Variants in EEIG2 observed in about 807,000 individuals in gnomAD.
The protein encoded by EEIG2 is family with sequence similarity 102 member B.
chr1:108,590,440 A>G, the EEIG2 span, among the ~76,000 whole-genome samples: 1 of 152,198 alleles, frequency 6.6e-6, no homozygotes, highest in Non-Finnish European at 1.5e-5. Flanking sequence ...GACTATATAC[A>G]TCCTTGATAA....
At chr1:108,566,182 T>C in the EEIG2 span, among the ~76,000 whole-genome samples, 32 of 152,208 alleles carry the variant, frequency 2.1e-4, no homozygotes, top group Admixed American at 6.5e-4. Flanking sequence ...CCATGACTTA[T>C]TGAACCAAGT....
At chr1:108,638,677 T>C in the EEIG2 span, 1 of 11,802 alleles carries the variant, frequency 8.5e-5, no homozygotes, top group African/African-American at 2.0e-4. Context: ...AATTGTGTTA[T>C]GCCACTACTC....
chr1:108,613,593 C>T, the EEIG2 span, among the ~76,000 whole-genome samples: 1 of 152,142 alleles, frequency 6.6e-6, no homozygotes, highest in Non-Finnish European at 1.5e-5. Flanking sequence ...CCGTCTCTCC[C>T]ACTTTGTCCT....
the EEIG2 span, among the ~76,000 whole-genome samples, chr1:108,589,281 T>C: frequency 6.6e-6 from 1 of 152,160 alleles, no homozygotes; most frequent in African/African-American, 2.4e-5. Flanking sequence ...CACTAAACCA[T>C]GCTTAAGTCT....
chr1:108,624,446 A>AAAC, the EEIG2 span, among the ~76,000 whole-genome samples: 218 of 149,630 alleles, frequency 1.5e-3, no homozygotes, highest in Middle Eastern at 3.4e-3. Context: ...AAAAAAAAAA[A>AAAC]AAACCCTTTT....
chr1:108,606,707 T>A, the EEIG2 span, among the ~76,000 whole-genome samples: 1 of 152,238 alleles, frequency 6.6e-6, no homozygotes, highest in East Asian at 1.9e-4. Flanking sequence ...AGTAACAACA[T>A]TACCAGAAAT....
At chr1:108,616,502 T>C in the EEIG2 span, 1 of 1,017,768 alleles carries the variant, frequency 9.8e-7, no homozygotes, top group Non-Finnish European at 1.5e-6. Context: ...ATTTTTACAT[T>C]AATATTTTGT....
chr1:108,609,898 C>T, the EEIG2 span, among the ~76,000 whole-genome samples: 1 of 152,012 alleles, frequency 6.6e-6, no homozygotes, highest in Non-Finnish European at 1.5e-5. Flanking sequence ...CACACTGGGG[C>T]CTGTCGGGAG....
At chr1:108,606,119 A>T in the EEIG2 span, 1 of 656,644 alleles carries the variant, frequency 1.5e-6, no homozygotes, top group South Asian at 3.5e-5. Flanking sequence ...ACTGTCTATG[A>T]TATTTGCCAG....
chr1:108,622,834 A>G, the EEIG2 span, among the ~76,000 whole-genome samples: 1 of 152,232 alleles, frequency 6.6e-6, no homozygotes, highest in Admixed American at 6.5e-5. Flanking sequence ...ATTGCCATAA[A>G]GCAGGTCAGC....
chr1:108,636,040 T>C, the EEIG2 span: 3 of 152,230 alleles, frequency 2.0e-5, no homozygotes, highest in Non-Finnish European at 2.9e-5. Context: ...TTCAGACTTA[T>C]CTGAGGCTAA....
At chr1:108,605,540 G>A in the EEIG2 span, among the ~76,000 whole-genome samples, 2 of 152,146 alleles carry the variant, frequency 1.3e-5, no homozygotes. Context: ...GGAGTGGGGA[G>A]TTTGGCCCTA....
chr1:108,570,285 GA>G, the EEIG2 span, among the ~76,000 whole-genome samples: 2 of 152,130 alleles, frequency 1.3e-5, no homozygotes, highest in African/African-American at 4.8e-5. Context: ...ATGTTGTGTT[GA>G]GGGCACAGTG....
chr1:108,600,535 A>G, the EEIG2 span: 6 of 1,607,032 alleles, frequency 3.7e-6, no homozygotes, highest in Admixed American at 3.4e-5. Context: ...AATAATAGTT[A>G]ATTAATTGGC....
chr1:108,574,268 G>T, the EEIG2 span, among the ~76,000 whole-genome samples: 1 of 150,108 alleles, frequency 6.7e-6, no homozygotes, highest in South Asian at 2.1e-4. Flanking sequence ...AAAAAAAAAA[G>T]ACAAATACTT....
chr1:108,635,334 A>G, the EEIG2 span: 3 of 670,494 alleles, frequency 4.5e-6, no homozygotes, highest in East Asian at 2.8e-5. Flanking sequence ...GAACATCTAC[A>G]TGGCAGTCTC....
chr1:108,612,339 C>T, the EEIG2 span: 3 of 1,312,946 alleles, frequency 2.3e-6, no homozygotes, highest in Non-Finnish European at 2.2e-6. Flanking sequence ...AAATTATCTG[C>T]CTTTAAATAA....
the EEIG2 span, among the ~76,000 whole-genome samples, chr1:108,563,214 G>T: frequency 6.6e-6 from 1 of 152,292 alleles, no homozygotes; most frequent in South Asian, 2.1e-4. Flanking sequence ...ACTGTGCCTA[G>T]ACTGTACGGA....
the EEIG2 span, among the ~76,000 whole-genome samples, chr1:108,567,998 CA>C: frequency 6.9e-6 from 1 of 144,960 alleles, no homozygotes. Flanking sequence ...GACTCTGTCT[CA>C]AAAAAAAAGA....
Sources: gnomAD v4.1 joint callset for allele counts (sites outside exome capture counted in the v4.1 genomes callset) on GRCh38, gnomAD v4.1.1 for gene constraint, MANE v1.5 for transcripts, NCBI Gene and HGNC (gene_info 2026-07-23, HGNC 2026-07-21) for gene names.